Variants in CUL5 observed in about 807,000 individuals in gnomAD.
CUL5 encodes cullin-5.
In CUL5, 26 loss-of-function variants were observed where a neutral mutation model predicts 108.8. That is an observed-to-expected ratio of 0.24 (90% CI 0.18 to 0.33). CUL5 has a LOEUF of 0.33. Ranked by LOEUF, CUL5 falls within the 10% of genes least tolerant of loss-of-function variation. The probability of loss-of-function intolerance (pLI) is 1.00; values close to 1 mark genes in which losing one functional copy is unlikely to be tolerated. For missense variants in CUL5, 524 were observed against 909.2 expected (o/e 0.58, Z 5.45); for synonymous variants, 334 against 298.0 (o/e 1.12, Z -1.25).
At chr11:108,042,764 C>CT (rs796849321) in intron 2 of CUL5, among the ~76,000 whole-genome samples, 4 of 150,456 alleles carry the variant, frequency 2.7e-5, no homozygotes, top group Admixed American at 6.6e-5. Flanking sequence ...CTATCAGTTT[C>CT]TTTTTTTTTC....
At chr11:108,098,667 T>C in intron 18 of CUL5, 138 bp downstream of exon 18, 8 of 510,806 alleles carry the variant, frequency 1.6e-5, no homozygotes, top group Non-Finnish European at 2.5e-5. Flanking sequence ...CCCAACACTT[T>C]GGGATGCTGA....
chr11:108,073,612 C>G, intron 10 of CUL5, 115 bp downstream of exon 10: 1 of 463,220 alleles, frequency 2.2e-6, no homozygotes, highest in Non-Finnish European at 3.7e-6. Flanking sequence ...AACCTAGCAA[C>G]TGTTATTTTT....
rs1326797841 is a variant in CUL5, at chr11:108,009,031, C to T, written c.-318C>T. 1.5e-4 allele frequency: 65 copies of T among 435,272 alleles called. No homozygotes were observed. The highest frequency in any genetic ancestry group is 2.4e-4 in the Non-Finnish European group (57 of 242,318). The allele number at this position is 435,272 out of a possible 1,614,324, so 27.0% of individuals were successfully genotyped here. A position where few individuals can be genotyped will look rare whatever the true frequency, so the allele number is the denominator to read the frequency against. ...CTAATCCGAAGGAGTCGGGGAGGCT[C>T]GTGGAGTCGATGCTTCCTCTTCCAA... On this transcript the variant is annotated 5_prime_UTR_variant, in exon 1 of 19. Coordinates refer to ENST00000393094, the MANE Select transcript of CUL5 (RefSeq NM_003478.6).
intron 1 of CUL5, among the ~76,000 whole-genome samples, chr11:108,028,195 T>C (rs139515970): frequency 5.9e-5 from 9 of 152,386 alleles, no homozygotes; most frequent in African/African-American, 2.2e-4. Flanking sequence ...ATAATAGATA[T>C]GTTAAATGTA....
chr11:108,044,672 C>G (rs916419178), intron 2 of CUL5, among the ~76,000 whole-genome samples: 1 of 151,580 alleles, frequency 6.6e-6, no homozygotes, highest in Non-Finnish European at 1.5e-5. Context: ...TTCACTATGA[C>G]CCTGTCCTTT....
chr11:108,091,741 A>G (rs1375468903), intron 13 of CUL5, among the ~76,000 whole-genome samples: 2 of 147,538 alleles, frequency 1.4e-5, no homozygotes, highest in Admixed American at 6.8e-5. Context: ...ACGACAAATA[A>G]TTAAAAGCAG....
chr11:108,047,258 C>G (rs1048030221), intron 3 of CUL5, among the ~76,000 whole-genome samples: 2 of 151,908 alleles, frequency 1.3e-5, no homozygotes, highest in African/African-American at 4.8e-5. Flanking sequence ...TTGAGGCTGC[C>G]GTGAGCCGTG....
Position 108,009,237 on chromosome 11 carries a change from G to C in CUL5, c.-112G>C, listed in dbSNP as rs1861994750. ...GCTGCTCCAGCGCCCACCACACCCT[G>C]GTGCGGGCCGACGGGCCCTGGGCCC... On this transcript the variant is annotated 5_prime_UTR_variant, in exon 1 of 19. Coordinates refer to ENST00000393094, the MANE Select transcript of CUL5 (RefSeq NM_003478.6). 3.4e-6 allele frequency: 4 copies of C among 1,167,656 alleles called. No homozygotes were observed. The highest frequency in any genetic ancestry group is 2.0e-5 in the Admixed American group (1 of 50,240). The allele number at this position is 1,167,656 out of a possible 1,614,324, so 72.3% of individuals were successfully genotyped here. A position where few individuals can be genotyped will look rare whatever the true frequency, so the allele number is the denominator to read the frequency against.
intron 2 of CUL5, among the ~76,000 whole-genome samples, chr11:108,034,963 A>T (rs919527688): frequency 6.6e-6 from 1 of 152,142 alleles, no homozygotes; most frequent in African/African-American, 2.4e-5. Flanking sequence ...CTGATCATTT[A>T]TCTAGTGGGT....
intron 1 of CUL5, among the ~76,000 whole-genome samples, chr11:108,022,537 G>A (rs1862352175): frequency 1.3e-5 from 2 of 152,060 alleles, no homozygotes; most frequent in African/African-American, 4.8e-5. Context: ...GCAGTGATAT[G>A]TTCTAGAAAG....
At position 108,106,946 on chromosome 11, in the gene CUL5, TC is replaced by T. The variant is rs1399952924; in HGVS notation, c.*2565del. On this transcript the variant is annotated 3_prime_UTR_variant, in exon 19 of 19. Coordinates refer to ENST00000393094, the MANE Select transcript of CUL5 (RefSeq NM_003478.6). ...ATCTTCTAGTTTAAAGACAGAGACA[TC>T]CCATCTGGAAAATGTTAACTTGTGT... 1.3e-5 allele frequency: 2 copies of T among 150,326 alleles called. No individual in the cohort carries two copies. The highest frequency in any genetic ancestry group is 4.9e-5 in the African/African-American group (2 of 40,718). 9.3% of individuals were successfully genotyped at this position (150,326 alleles called of 1,614,324 possible).
intron 5 of CUL5, 57 bp downstream of exon 5, chr11:108,052,858 T>TTCC: frequency 6.8e-7 from 1 of 1,481,068 alleles, no homozygotes; most frequent in Non-Finnish European, 9.2e-7. Flanking sequence ...GTAGAACAAT[T>TTCC]ATGGAATAGC....
intron 7 of CUL5, among the ~76,000 whole-genome samples, chr11:108,064,433 C>G (rs1863623485): frequency 6.6e-6 from 1 of 152,052 alleles, no homozygotes; most frequent in South Asian, 2.1e-4. Flanking sequence ...CTAGTCTGGG[C>G]TCAGTGGCTC....
intron 18 of CUL5, among the ~76,000 whole-genome samples, chr11:108,100,714 C>T (rs771249822): frequency 5.3e-5 from 8 of 151,936 alleles, no homozygotes; most frequent in South Asian, 4.2e-4. Context: ...CGTAGCTATG[C>T]CAGGATAAAC....
At chr11:108,049,492 C>T (rs1863156517) in intron 3 of CUL5, among the ~76,000 whole-genome samples, 1 of 151,922 alleles carries the variant, frequency 6.6e-6, no homozygotes, top group Non-Finnish European at 1.5e-5. Flanking sequence ...CAGGCACGCA[C>T]CAACACACCC....
intron 17 of CUL5, 55 bp downstream of exon 17, chr11:108,097,809 T>G: frequency 1.0e-6 from 1 of 954,082 alleles, no homozygotes; most frequent in Non-Finnish European, 1.7e-6. Context: ...TTTAGCACTT[T>G]GTTTTTTGCA....
At chr11:108,079,597 A>T (rs139595157) in intron 11 of CUL5, among the ~76,000 whole-genome samples, 1 of 152,206 alleles carries the variant, frequency 6.6e-6, no homozygotes, top group Non-Finnish European at 1.5e-5. Context: ...TTTAATGTTT[A>T]TGTTTTTAGG....
chr11:108,081,319 T>C (rs543583166), intron 11 of CUL5, among the ~76,000 whole-genome samples: 39 of 152,214 alleles, frequency 2.6e-4, no homozygotes, highest in African/African-American at 7.9e-4. Flanking sequence ...TTTTATAGTT[T>C]TGACTTTTAC....
At chr11:108,012,824 T>C (rs1862087263) in intron 1 of CUL5, among the ~76,000 whole-genome samples, 1 of 152,106 alleles carries the variant, frequency 6.6e-6, no homozygotes. Flanking sequence ...CTCAAACTCC[T>C]GACCTCAAGC....
Sources: allele counts gnomAD v4.1 joint callset (sites outside exome capture counted in the v4.1 genomes callset), GRCh38; gene constraint gnomAD v4.1.1; transcripts MANE v1.5; gene names NCBI Gene and HGNC (gene_info 2026-07-23, HGNC 2026-07-21).